OSBPL3: variants seen among roughly 807,000 people sequenced by gnomAD.
The protein encoded by OSBPL3 is oxysterol binding protein like 3.
Under a neutral mutation model 120.1 loss-of-function variants are expected in OSBPL3, and 65 were observed. The ratio of observed to expected loss-of-function variants is 0.54; its 90% confidence interval spans 0.44 to 0.67. The LOEUF is 0.67. Among genes scored for constraint, OSBPL3 ranks in the 30% least tolerant of loss-of-function variants. The pLI is 0.00. For missense variants in OSBPL3, 1,004 were observed against 1,082.1 expected (o/e 0.93, Z 1.01); for synonymous variants, 416 against 402.6 (o/e 1.03, Z -0.40).
At chr7:24,860,859 T>C (rs1166675376) in intron 10 of OSBPL3, among the ~76,000 whole-genome samples, 1 of 152,248 alleles carries the variant, frequency 6.6e-6, no homozygotes, top group Non-Finnish European at 1.5e-5. Context: ...TTCCAGTCTT[T>C]GGCCAATACA....
At position 24,830,685 on chromosome 7, in the gene OSBPL3, G is replaced by A; in HGVS notation, c.1884+83C>T. On this transcript the variant is annotated intron_variant, in intron 16 of 22. Coordinates refer to ENST00000313367, the MANE Select transcript of OSBPL3 (RefSeq NM_015550.4). This position sits in a 1 kb window ranked among gnomAD's most constrained non-coding sequence, Gnocchi z 4.4. The stretch of plus-strand genomic sequence containing the variant: ...TCGGCTGCTTTGAAGCCAGTGAAAG[G>A]TGGAAGATAAATATTTCAGAAGCAC... 7.7e-7 allele frequency: 1 copy of A among 1,294,694 alleles called. No homozygotes were observed. The highest frequency in any genetic ancestry group is 1.4e-5 in the South Asian group (1 of 69,870). 80.2% of individuals were successfully genotyped at this position (1,294,694 alleles called of 1,614,324 possible).
rs1463795193 is a variant in OSBPL3, at chr7:24,800,155, A to T, written c.*28T>A. Reference sequence around the variant, plus strand: ...CAGAAGGCAAGCACAGGAGAAATACACTAATGTTATCTTTCTTCTTTACTT... The same window carrying T: ...CAGAAGGCAAGCACAGGAGAAATACTCTAATGTTATCTTTCTTCTTTACTT... On this transcript the variant is annotated 3_prime_UTR_variant, in exon 23 of 23. Transcript: ENST00000313367. 4 of 1,281,266 alleles carry T rather than the reference A, an allele frequency of 3.1e-6. No homozygotes were observed. In the African/African-American group the frequency reaches 5.9e-5, roughly 19 times the overall value. 79.4% of individuals were successfully genotyped at this position (1,281,266 alleles called of 1,614,324 possible).
intron 1 of OSBPL3, among the ~76,000 whole-genome samples, chr7:24,910,079 T>G (rs529377868): frequency 1.3e-5 from 2 of 152,270 alleles, no homozygotes; most frequent in Admixed American, 6.5e-5. Flanking sequence ...GTGCTGAGAT[T>G]ACAGGTGTGA....
At position 24,966,759 on chromosome 7, in the gene OSBPL3, A is replaced by T; in HGVS notation, c.-150+13127T>A. Reference sequence around the variant, plus strand: ...TTGTGTATATGTATGTTTATAAGGTAAAAGAACTGCTAGTACAAACACAAC... The same window carrying T: ...TTGTGTATATGTATGTTTATAAGGTTAAAGAACTGCTAGTACAAACACAAC... On this transcript the variant is annotated intron_variant, in intron 1 of 22. Coordinates refer to ENST00000313367, the MANE Select transcript of OSBPL3 (RefSeq NM_015550.4). This position sits in a 1 kb window ranked among gnomAD's most constrained non-coding sequence, Gnocchi z 4.8. Among the ~76,000 whole-genome samples the T allele has an allele frequency of 6.6e-6, 1 of 152,248 alleles. No individual in the cohort carries two copies.
At chr7:24,843,055 G>A (rs932760087) in intron 12 of OSBPL3, among the ~76,000 whole-genome samples, 4 of 152,136 alleles carry the variant, frequency 2.6e-5, no homozygotes, top group Non-Finnish European at 4.4e-5. Flanking sequence ...TAACACAACA[G>A]AACATCATTG....
chr7:24,860,586 G>A (rs1289120699), intron 10 of OSBPL3, among the ~76,000 whole-genome samples: 1 of 152,202 alleles, frequency 6.6e-6, no homozygotes, highest in Non-Finnish European at 1.5e-5. Flanking sequence ...ACATGGAACT[G>A]TGAGTCCATT....
intron 5 of OSBPL3, among the ~76,000 whole-genome samples, chr7:24,869,660 T>C (rs113222935): frequency 1.8e-4 from 28 of 152,324 alleles, no homozygotes; most frequent in African/African-American, 6.5e-4. Flanking sequence ...CAGCTCACAA[T>C]GTCAATGGTG....
Position 24,965,854 on chromosome 7 carries a change from C to G in OSBPL3, c.-150+14032G>C, listed in dbSNP as rs937200405. Among the ~76,000 whole-genome samples, 1 of 152,196 alleles carries G rather than the reference C, an allele frequency of 6.6e-6. No homozygotes were observed. Among genetic ancestry groups the G allele is most frequent in the African/African-American group, 2.4e-5 (1 of 41,438 alleles). On this transcript the variant is annotated intron_variant, in intron 1 of 22. Transcript: ENST00000313367. The surrounding 1 kb of genome is among the most constrained non-coding windows in gnomAD (Gnocchi z 4.3). ...GCATTAGCCACTGCGACGGACTCAA[C>G]TCAAGTGTTTTACCAGTCCCTCCAG...
In OSBPL3 at chr7:24,865,392, C is replaced by T. The variant is rs751595059; in HGVS notation, c.623G>A (p.Arg208Gln). The T allele has an allele frequency of 3.1e-6, 5 of 1,613,406 alleles. No individual in the cohort carries two copies. The highest frequency in any genetic ancestry group is 1.7e-5 in the Admixed American group (1 of 60,026). Residue 208 changes from arginine to glutamine, a missense_variant, in exon 7 of 23, where the codon CGA (arginine) becomes CAA (glutamine). Around this residue, in one of 4 missense-constraint regions of OSBPL3, gnomAD observed 255 missense variants for 248.7 expected, o/e 1.03. Coordinates refer to ENST00000313367, the MANE Select transcript of OSBPL3 (RefSeq NM_015550.4). ...NVSFSCGGET[R>Q]VPLWLQSSED... ...TGAAGACTGTAACCATAATGGAACT[C>T]GTGTCTCACCACCACAAGAAAATGA... is the stretch of plus-strand genomic sequence containing the variant.
rs1796746405 is a variant in OSBPL3 at position 24,834,424 on chromosome 7, T to G, written c.1746+62A>C. The G allele has an allele frequency of 6.4e-7, 1 of 1,558,958 alleles. No homozygotes were observed. Among genetic ancestry groups the G allele is most frequent in the Non-Finnish European group, 8.7e-7 (1 of 1,153,242 alleles). The stretch of plus-strand genomic sequence containing the variant: ...GGGGCTGTCTCTCTGATGGGCCCCG[T>G]GAATGGCCTCGTGGCTTGGGGACCG... On this transcript the variant is annotated intron_variant, in intron 15 of 22. Coordinates refer to ENST00000313367, the MANE Select transcript of OSBPL3 (RefSeq NM_015550.4). The surrounding 1 kb of genome is among the most constrained non-coding windows in gnomAD (Gnocchi z 5.2).
In OSBPL3 at chr7:24,883,832, C is replaced by T. The variant is rs1464161623; in HGVS notation, c.96+8545G>A. Among the ~76,000 whole-genome samples the T allele has an allele frequency of 1.3e-5, 2 of 152,164 alleles. No individual in the cohort carries two copies. The highest frequency in any genetic ancestry group is 2.4e-5 in the African/African-American group (1 of 41,428). On this transcript the variant is annotated intron_variant, in intron 2 of 22. Transcript: ENST00000313367. The surrounding 1 kb of genome is among the most constrained non-coding windows in gnomAD (Gnocchi z 5.4). ...GTCATTTGAGCTGATACTTTAACCT[C>T]TTCTGATATCAAATGTTTGTTTGTG...
chr7:24,913,396 G>A lies in OSBPL3; in HGVS notation c.-149-20775C>T, dbSNP rs1231922125. ...CAACACTCTCTTCTCCTGTCCCTCAGGCTAGCAGGCTCCTGCTACCAGAGC... is the reference window on the plus strand; with the variant it reads ...CAACACTCTCTTCTCCTGTCCCTCAAGCTAGCAGGCTCCTGCTACCAGAGC... On this transcript the variant is annotated intron_variant, in intron 1 of 22. Coordinates refer to ENST00000313367, the MANE Select transcript of OSBPL3 (RefSeq NM_015550.4). The surrounding 1 kb of genome is among the most constrained non-coding windows in gnomAD (Gnocchi z 5.3). Among the ~76,000 whole-genome samples the A allele has an allele frequency of 6.6e-6, 1 of 152,098 alleles. No individual in the cohort carries two copies. Among genetic ancestry groups the A allele is most frequent in the Non-Finnish European group, 1.5e-5 (1 of 68,030 alleles).
In OSBPL3 at chr7:24,892,281, T is replaced by C. The variant is rs116353844; in HGVS notation, c.96+96A>G. Reference sequence around the variant, plus strand: ...TAACCAAAAGTAAATGCTCTTAAACTGAGAAGTAGGCTTTCCCAAGTAAAT... The same window carrying C: ...TAACCAAAAGTAAATGCTCTTAAACCGAGAAGTAGGCTTTCCCAAGTAAAT... On this transcript the variant is annotated intron_variant, in intron 2 of 22. Transcript: ENST00000313367. 8.5e-4 allele frequency: 1,065 copies of C among 1,252,768 alleles called. 9 individuals are homozygous for C. The African/African-American group carries it at 0.015, about 17-fold the overall frequency. The allele number at this position is 1,252,768 out of a possible 1,614,324, so 77.6% of individuals were successfully genotyped here. A position where few individuals can be genotyped will look rare whatever the true frequency, so the allele number is the denominator to read the frequency against.
intron 1 of OSBPL3, among the ~76,000 whole-genome samples, chr7:24,893,367 C>T (rs1805644333): frequency 6.6e-6 from 1 of 152,108 alleles, no homozygotes; most frequent in African/African-American, 2.4e-5. Flanking sequence ...TCAAATAACC[C>T]AGACACAAAA....
At chr7:24,890,136 C>T (rs752670321) in intron 2 of OSBPL3, among the ~76,000 whole-genome samples, 7 of 152,122 alleles carry the variant, frequency 4.6e-5, no homozygotes, top group South Asian at 2.1e-4. Flanking sequence ...CCAATAAAAT[C>T]AATATCAGAT....
At chr7:24,860,119 G>A (rs922372063) in intron 10 of OSBPL3, among the ~76,000 whole-genome samples, 5 of 152,136 alleles carry the variant, frequency 3.3e-5, no homozygotes, top group Non-Finnish European at 7.4e-5. Flanking sequence ...CTGTTTGTAT[G>A]TGTGTGGGTA....
At position 24,892,578 on chromosome 7, in the gene OSBPL3, G is replaced by A; in HGVS notation, c.-106C>T. ...GCAGGTGGTTTAGCTCTTATCCAAA[G>A]TATTTAAAAAACATTTTGGGTGGCC... is the stretch of plus-strand genomic sequence containing the variant. On this transcript the variant is annotated 5_prime_UTR_variant, in exon 2 of 23. Coordinates refer to ENST00000313367, the MANE Select transcript of OSBPL3 (RefSeq NM_015550.4). 2 of 1,448,254 alleles carry A rather than the reference G, an allele frequency of 1.4e-6. No individual in the cohort carries two copies. Among genetic ancestry groups the A allele is most frequent in the Non-Finnish European group, 1.8e-6 (2 of 1,088,568 alleles). 89.7% of individuals were successfully genotyped at this position (1,448,254 alleles called of 1,614,324 possible). A position where few individuals can be genotyped will look rare whatever the true frequency, so the allele number is the denominator to read the frequency against.
chr7:24,828,686 A>G (rs1439423396), intron 16 of OSBPL3, among the ~76,000 whole-genome samples: 1 of 151,368 alleles, frequency 6.6e-6, no homozygotes, highest in Non-Finnish European at 1.5e-5. Flanking sequence ...CATTTACTGA[A>G]TATTTCCATC....
intron 10 of OSBPL3, among the ~76,000 whole-genome samples, chr7:24,857,085 C>T (rs978333913): frequency 2.6e-5 from 4 of 152,122 alleles, no homozygotes; most frequent in Non-Finnish European, 5.9e-5. Flanking sequence ...ATCATTGTAA[C>T]ACACTTGGCT....
Sources: allele counts gnomAD v4.1 joint callset (sites outside exome capture counted in the v4.1 genomes callset), GRCh38; gene constraint gnomAD v4.1.1; regional missense constraint gnomAD v4.1.1; non-coding constraint Gnocchi (gnomAD v3.1); transcripts MANE v1.5; gene names NCBI Gene and HGNC (gene_info 2026-07-23, HGNC 2026-07-21).